The following TRIM9 variants were observed in gnomAD, a reference collection of about 807,000 sequenced individuals.
TRIM9 encodes E3 ubiquitin-protein ligase TRIM9.
A neutral mutation model predicts 78.3 loss-of-function variants in TRIM9; 26 were observed. The observed-to-expected ratio is 0.33, with a 90% CI of 0.24 to 0.46. The LOEUF (loss-of-function observed/expected upper bound fraction) is 0.46, where lower values mean the gene tolerates loss of function less well. TRIM9 is among the 20% of genes least tolerant of loss of function. The pLI is 1.00. For synonymous variants in TRIM9, 398 were observed against 416.5 expected (o/e 0.96, Z 0.54); for missense variants, 787 against 1,036.4 (o/e 0.76, Z 3.30).
intron 3 of TRIM9, among the ~76,000 whole-genome samples, chr14:51,011,421 G>C (rs2056568384): frequency 6.6e-6 from 1 of 152,060 alleles, no homozygotes; most frequent in African/African-American, 2.4e-5. Flanking sequence ...TGAATTCCTG[G>C]GCTGAAGTAA....
intron 1 of TRIM9, chr14:51,089,288 A>G (rs546564169): frequency 6.6e-6 from 1 of 152,334 alleles, no homozygotes; most frequent in Admixed American, 6.5e-5. Flanking sequence ...TTAAACATTT[A>G]TCTTGTTATA....
At chr14:50,979,112 A>G in intron 12 of TRIM9, 1 of 1,370,968 alleles carries the variant, frequency 7.3e-7, no homozygotes. Context: ...GTGAAACTAG[A>G]GCTACAGAGA....
In TRIM9 at chr14:50,990,770, G is replaced by A. The variant is rs1333858604; in HGVS notation, c.1604-4626C>T. On this transcript the variant is annotated intron_variant, in intron 7 of 12. Coordinates refer to ENST00000684578, the MANE Select transcript of TRIM9 (RefSeq NM_001387360.1). The stretch of plus-strand genomic sequence containing the variant: ...TAAGATGGTTGTATTTTGGAGCACG[G>A]TAAGGCAAGACATGTCACGAAGAAT... 2.6e-5 allele frequency among the ~76,000 whole-genome samples: 4 copies of A among 152,272 alleles called. No individual in the cohort carries two copies. In the East Asian group the frequency reaches 7.7e-4, roughly 29 times the overall value.
intron 1 of TRIM9, among the ~76,000 whole-genome samples, chr14:51,083,650 T>TG (rs151046911): frequency 0.14 from 21,814 of 152,068 alleles, 1,853 homozygotes; most frequent in Admixed American, 0.26. Context: ...AAGGAAATCT[T>TG]GGAGTTACAA....
At position 51,054,705 on chromosome 14, in the gene TRIM9, C is replaced by T. The variant is rs1417773056; in HGVS notation, c.823-29345G>A. 5.9e-5 allele frequency among the ~76,000 whole-genome samples: 9 copies of T among 152,190 alleles called. 1 individual carries two copies. Among genetic ancestry groups the T allele is most frequent in the African/African-American group, 1.9e-4 (8 of 41,438 alleles). On this transcript the variant is annotated intron_variant, in intron 1 of 12. Coordinates refer to ENST00000684578, the MANE Select transcript of TRIM9 (RefSeq NM_001387360.1). ...TCTCCTGCCTCAGCCTCCGGAGTAGCTGGGACTACAGGCGCATGCCACTAC... is the reference window on the plus strand; with the variant it reads ...TCTCCTGCCTCAGCCTCCGGAGTAGTTGGGACTACAGGCGCATGCCACTAC...
chr14:51,003,887 C>G lies in TRIM9; in HGVS notation c.1307-3047G>C, dbSNP rs182715972. Among the ~76,000 whole-genome samples the G allele has an allele frequency of 2.0e-5, 3 of 152,320 alleles. No homozygotes were observed. The East Asian group carries it at 5.8e-4, about 29-fold the overall frequency. ...AAAGGTGAATGTGCCAAAATTACAG[C>G]CTCATTAGCAGAAACTCAGGCTGAC... On this transcript the variant is annotated intron_variant, in intron 5 of 12. Coordinates refer to ENST00000684578, the MANE Select transcript of TRIM9 (RefSeq NM_001387360.1).
At chr14:51,067,641 G>C (rs900382208) in intron 1 of TRIM9, among the ~76,000 whole-genome samples, 1 of 151,958 alleles carries the variant, frequency 6.6e-6, no homozygotes, top group Non-Finnish European at 1.5e-5. Flanking sequence ...CTTTGCATGT[G>C]CTATTTCATC....
At chr14:51,020,815 C>G (rs185885472) in intron 3 of TRIM9, among the ~76,000 whole-genome samples, 1 of 152,320 alleles carries the variant, frequency 6.6e-6, no homozygotes, top group Admixed American at 6.5e-5. Context: ...CAAAAAATTC[C>G]TCCTCCAGAT....
Position 50,985,990 on chromosome 14 carries a change from G to A in TRIM9, c.1758C>T (p.Ser586=), listed in dbSNP as rs557439221. The A allele has an allele frequency of 1.5e-4, 235 of 1,547,380 alleles. 3 individuals are homozygous for A. Among genetic ancestry groups the A allele is most frequent in the South Asian group, 1.4e-3 (115 of 83,398 alleles). ...FDFRSSPHQL[S]LHSSLQSLNA... is the part of the protein sequence containing the mutation. Reference sequence around the variant, plus strand: ...TGAGAGACTGTAAAGAGGAATGCAAGCTCAGCTGGTGGGGTGAGGATCGGA... The same window carrying A: ...TGAGAGACTGTAAAGAGGAATGCAAACTCAGCTGGTGGGGTGAGGATCGGA... The change falls in exon 8 of 13, where the codon AGC becomes AGT. Residue 586 remains serine (S), a synonymous_variant. Transcript: ENST00000684578.
chr14:50,982,800 C>G (rs548156220), intron 10 of TRIM9, 142 bp downstream of exon 10: 1 of 718,038 alleles, frequency 1.4e-6, no homozygotes, highest in African/African-American at 1.8e-5. Context: ...TGTCTTTGTA[C>G]GCATTGTTAC....
At chr14:51,053,426 C>CA (rs1448707891) in intron 1 of TRIM9, among the ~76,000 whole-genome samples, 4 of 150,730 alleles carry the variant, frequency 2.7e-5, no homozygotes, top group Non-Finnish European at 5.9e-5. Flanking sequence ...ATTCAGTACT[C>CA]AGTTTGTATC....
At chr14:51,043,330 G>A (rs561490204) in intron 1 of TRIM9, among the ~76,000 whole-genome samples, 6 of 152,184 alleles carry the variant, frequency 3.9e-5, no homozygotes, top group Admixed American at 1.3e-4. Context: ...ACATGCAGCC[G>A]GAGGAAGGAG....
At chr14:51,001,281 G>A (rs1347488401) in intron 5 of TRIM9, among the ~76,000 whole-genome samples, 1 of 148,240 alleles carries the variant, frequency 6.7e-6, no homozygotes, top group Admixed American at 6.8e-5. Flanking sequence ...CCAGGTTGGA[G>A]TGCAGCGGCA....
intron 12 of TRIM9, chr14:50,978,880 A>G: frequency 1.0e-6 from 1 of 983,746 alleles, no homozygotes; most frequent in Non-Finnish European, 1.2e-6. Flanking sequence ...TTATTCTATA[A>G]TAAATAATAA....
intron 5 of TRIM9, among the ~76,000 whole-genome samples, chr14:51,008,306 G>A (rs1451465408): frequency 1.3e-5 from 2 of 152,162 alleles, no homozygotes; most frequent in Non-Finnish European, 2.9e-5. Flanking sequence ...TTGATATTAT[G>A]TTATAGCTAC....
At chr14:50,982,591 C>T (rs767901331) in intron 10 of TRIM9, 23 of 332,624 alleles carry the variant, frequency 6.9e-5, no homozygotes, top group African/African-American at 1.0e-4. Context: ...AAGTCTTCCT[C>T]GGCTCTAGTG....
chr14:51,089,358 G>C (rs913700776), intron 1 of TRIM9: 12 of 152,196 alleles, frequency 7.9e-5, no homozygotes, highest in African/African-American at 2.9e-4. Context: ...ACTTTGAAAA[G>C]TCCACCAACT....
intron 7 of TRIM9, among the ~76,000 whole-genome samples, chr14:50,993,382 T>C (rs1489010241): frequency 6.6e-6 from 1 of 152,090 alleles, no homozygotes; most frequent in Non-Finnish European, 1.5e-5. Flanking sequence ...TTTTTTTTTT[T>C]TTTGAGATGG....
chr14:51,007,333 A>G (rs893917865), intron 5 of TRIM9, among the ~76,000 whole-genome samples: 2 of 152,160 alleles, frequency 1.3e-5, no homozygotes, highest in African/African-American at 4.8e-5. Flanking sequence ...TTTATTAAGG[A>G]TGGGTTTATT....
Sources: allele counts gnomAD v4.1 joint callset (sites outside exome capture counted in the v4.1 genomes callset), GRCh38; gene constraint gnomAD v4.1.1; transcripts MANE v1.5; gene names NCBI Gene and HGNC (gene_info 2026-07-23, HGNC 2026-07-21).